Variants in IPO7 observed in about 807,000 individuals in gnomAD.
IPO7 encodes importin 7.
A neutral mutation model predicts 136.4 loss-of-function variants in IPO7; 13 were observed. The observed-to-expected ratio is 0.10, with a 90% CI of 0.06 to 0.15. The LOEUF (loss-of-function observed/expected upper bound fraction) is 0.15, where lower values mean the gene tolerates loss of function less well. IPO7 is among the 10% of genes least tolerant of loss of function. The pLI, the probability that IPO7 is intolerant of heterozygous loss-of-function variation, is 1.00. For missense variants in IPO7, 857 were observed against 1,240.6 expected (o/e 0.69, Z 4.65); for synonymous variants, 403 against 404.4 (o/e 1.00, Z 0.04).
intron 1 of IPO7, among the ~76,000 whole-genome samples, chr11:9,401,532 C>T (rs1477653319): frequency 1.6e-5 from 2 of 128,060 alleles, no homozygotes; most frequent in Non-Finnish European, 3.3e-5. Flanking sequence ...TGATACCTAA[C>T]AACAATGGCA....
At chr11:9,440,688 C>T (rs1440994342) in intron 23 of IPO7, 27 bp downstream of exon 23, 3 of 1,485,880 alleles carry the variant, frequency 2.0e-6, no homozygotes, top group East Asian at 2.3e-5. Flanking sequence ...CATGTGGATC[C>T]ATTTCATTGA....
chr11:9,410,748 T>C (rs913033384), intron 4 of IPO7, among the ~76,000 whole-genome samples: 2 of 152,164 alleles, frequency 1.3e-5, no homozygotes, highest in African/African-American at 4.8e-5. Context: ...AAGCCACATG[T>C]TGAAGGAGTT....
chr11:9,407,531 G>C (rs896431548), intron 2 of IPO7, among the ~76,000 whole-genome samples: 2 of 152,160 alleles, frequency 1.3e-5, no homozygotes, highest in Admixed American at 6.6e-5. Flanking sequence ...CTCCAGCCTG[G>C]TGACAGAGCA....
intron 2 of IPO7, 141 bp from the exon 3 acceptor site, chr11:9,408,345 A>G (rs1013921978): frequency 2.0e-5 from 9 of 445,890 alleles, no homozygotes; most frequent in Admixed American, 8.8e-5. Flanking sequence ...CTTTAAAAAT[A>G]ATTGAATGTA....
intron 8 of IPO7, among the ~76,000 whole-genome samples, 153 bp downstream of exon 8, chr11:9,420,851 T>C (rs541309646): frequency 6.6e-6 from 1 of 152,350 alleles, no homozygotes; most frequent in East Asian, 1.9e-4. Context: ...CTCTTTATGT[T>C]CAAATTACTT....
chr11:9,429,777 G>C lies in IPO7; in HGVS notation c.1695G>C (p.Met565Ile). ...NDDLTNVIQKMICEYSEEVTP... is the reference protein window; with the variant it reads ...NDDLTNVIQKIICEYSEEVTP... The stretch of plus-strand genomic sequence containing the variant: ...ACCTTACCAATGTAATTCAGAAAAT[G>C]ATCTGTGAATATAGTGAAGAAGTTA... Residue 565 changes from methionine (M) to isoleucine (I), a missense_variant, in exon 15 of 25, where the codon ATG becomes ATC. Met to Ile is a conservative substitution (Grantham distance 10). Transcript: ENST00000379719. 1 of 1,606,848 alleles carries C rather than the reference G, an allele frequency of 6.2e-7. No homozygotes were observed. The highest frequency in any genetic ancestry group is 2.2e-5 in the East Asian group (1 of 44,816).
rs898713272 is a variant in IPO7, at chr11:9,419,724, C to T, written c.727-687C>T. Among the ~76,000 whole-genome samples the T allele has an allele frequency of 5.3e-5, 8 of 151,318 alleles. No individual in the cohort carries two copies. In the East Asian group the frequency reaches 1.5e-3, roughly 29 times the overall value. On this transcript the variant is annotated intron_variant, in intron 6 of 24. Transcript: ENST00000379719. Reference sequence around the variant, plus strand: ...GGTTCTTGGAAATTTTTTACCATTACAAATAATATGATAATTAATATTCTC... The same window carrying T: ...GGTTCTTGGAAATTTTTTACCATTATAAATAATATGATAATTAATATTCTC...
chr11:9,395,914 G>A (rs1183945741), intron 1 of IPO7, among the ~76,000 whole-genome samples: 1 of 150,874 alleles, frequency 6.6e-6, no homozygotes, highest in Non-Finnish European at 1.5e-5. Context: ...ATAAAGATGG[G>A]GTTTTACCAT....
At chr11:9,399,699 G>A (rs1854766494) in intron 1 of IPO7, among the ~76,000 whole-genome samples, 1 of 152,150 alleles carries the variant, frequency 6.6e-6, no homozygotes, top group South Asian at 2.1e-4. Flanking sequence ...GTGAATTCTA[G>A]CATTTATAGA....
At chr11:9,412,945 C>T (rs1854988479) in intron 4 of IPO7, among the ~76,000 whole-genome samples, 1 of 142,678 alleles carries the variant, frequency 7.0e-6, no homozygotes, top group Non-Finnish European at 1.5e-5. Context: ...GGCTGGAGTG[C>T]AGTGGCTCAC....
At chr11:9,440,321 T>TA in intron 22 of IPO7, 134 bp from the exon 23 acceptor site, 1 of 717,914 alleles carries the variant, frequency 1.4e-6, no homozygotes, top group Non-Finnish European at 2.3e-6. Flanking sequence ...AACATGTATT[T>TA]AAACACCAAT....
intron 1 of IPO7, among the ~76,000 whole-genome samples, chr11:9,391,062 G>T (rs1366577567): frequency 6.6e-6 from 1 of 152,104 alleles, no homozygotes; most frequent in South Asian, 2.1e-4. Flanking sequence ...GAATCACAGC[G>T]CCCGGCTGCT....
intron 1 of IPO7, among the ~76,000 whole-genome samples, chr11:9,390,462 G>T (rs1334009601): frequency 6.6e-6 from 1 of 151,990 alleles, no homozygotes; most frequent in Non-Finnish European, 1.5e-5. Flanking sequence ...GTAAAATAAT[G>T]GCATATTTGT....
intron 4 of IPO7, among the ~76,000 whole-genome samples, chr11:9,412,856 T>C (rs1289820734): frequency 3.3e-5 from 5 of 151,964 alleles, no homozygotes; most frequent in Non-Finnish European, 4.4e-5. Context: ...CTGGAATTGC[T>C]TTTGTGTAGT....
At chr11:9,436,834 G>A (rs1590452406) in intron 20 of IPO7, among the ~76,000 whole-genome samples, 1 of 88,474 alleles carries the variant, frequency 1.1e-5, no homozygotes, top group African/African-American at 4.7e-5. Flanking sequence ...CACCACAACC[G>A]CCTGATTTTA....
chr11:9,423,234 G>A, intron 9 of IPO7, 94 bp downstream of exon 9: 1 of 762,122 alleles, frequency 1.3e-6, no homozygotes, highest in Non-Finnish European at 2.1e-6. Context: ...TTGTTGAGTT[G>A]TGTTACTTAG....
chr11:9,429,870 T>G, intron 15 of IPO7, 36 bp downstream of exon 15: 1 of 1,485,272 alleles, frequency 6.7e-7, no homozygotes, highest in South Asian at 1.3e-5. Flanking sequence ...TGCAAGCATT[T>G]TAATGTAGCT....
intron 14 of IPO7, 109 bp from the exon 15 acceptor site, chr11:9,429,565 T>C: frequency 1.4e-6 from 1 of 733,826 alleles, no homozygotes; most frequent in Non-Finnish European, 2.2e-6. Flanking sequence ...CTTGGCATAC[T>C]TCCTTTTTAT....
rs1854530374 is a variant in IPO7 at position 9,384,968 on chromosome 11, G to C, written c.84+121G>C. On this transcript the variant is annotated intron_variant, in intron 1 of 24. Transcript: ENST00000379719. The stretch of plus-strand genomic sequence containing the variant: ...GTTGAGGGTCCCAGCAGGAGGGTGG[G>C]GCGGACATCTGACGGCGACTTCCAC... 3 of 721,674 alleles carry C rather than the reference G, an allele frequency of 4.2e-6. No homozygotes were observed. In the East Asian group the frequency reaches 8.5e-5, roughly 20 times the overall value. 44.7% of individuals were successfully genotyped at this position (721,674 alleles called of 1,614,324 possible). A position where few individuals can be genotyped will look rare whatever the true frequency, so the allele number is the denominator to read the frequency against.
Sources: gnomAD v4.1 joint callset for allele counts (sites outside exome capture counted in the v4.1 genomes callset) on GRCh38, gnomAD v4.1.1 for gene constraint, MANE v1.5 for transcripts, NCBI Gene and HGNC (gene_info 2026-07-23, HGNC 2026-07-21) for gene names.